RALGAPA2: variants seen among roughly 807,000 people sequenced by gnomAD.
RALGAPA2 encodes the protein ral GTPase-activating protein subunit alpha-2.
Under a neutral mutation model 230.4 loss-of-function variants are expected in RALGAPA2, and 139 were observed. The observed-to-expected ratio is 0.60, with a 90% CI of 0.53 to 0.69. The LOEUF (loss-of-function observed/expected upper bound fraction) is 0.69. Among genes scored for constraint, RALGAPA2 ranks in the 30% least tolerant of loss-of-function variants. RALGAPA2 has a pLI of 0.00. For missense variants in RALGAPA2, 2,163 were observed against 2,276.0 expected (o/e 0.95, Z 1.01); for synonymous variants, 847 against 837.8 (o/e 1.01, Z -0.19).
intron 25 of RALGAPA2, among the ~76,000 whole-genome samples, 171 bp from the exon 26 acceptor site, chr20:20,535,974 G>A (rs556893504): frequency 5.9e-5 from 9 of 152,284 alleles, no homozygotes; most frequent in Non-Finnish European, 8.8e-5. Context: ...TCGGGGGAGC[G>A]GGTGGTAGAA....
intron 12 of RALGAPA2, 73 bp from the exon 13 acceptor site, chr20:20,616,264 TTAA>T: frequency 9.2e-7 from 1 of 1,092,864 alleles, no homozygotes; most frequent in Middle Eastern, 3.0e-4. Flanking sequence ...CTTACAGATA[TTAA>T]TTTCACTCTA....
chr20:20,422,861 C>T (rs560300128), intron 37 of RALGAPA2, among the ~76,000 whole-genome samples: 5 of 152,280 alleles, frequency 3.3e-5, no homozygotes, highest in East Asian at 1.9e-4. Flanking sequence ...AAGTGGACAA[C>T]GAGCTCTAGG....
At chr20:20,406,695 T>C (rs563375838) in intron 38 of RALGAPA2, among the ~76,000 whole-genome samples, 2 of 152,348 alleles carry the variant, frequency 1.3e-5, no homozygotes, top group South Asian at 4.1e-4. Flanking sequence ...GCAGATCGCT[T>C]GAACCCAGGA....
intron 23 of RALGAPA2, among the ~76,000 whole-genome samples, chr20:20,565,710 C>T (rs1304028647): frequency 1.3e-5 from 2 of 152,164 alleles, no homozygotes; most frequent in Admixed American, 6.5e-5. Flanking sequence ...AATGTTCCTA[C>T]AAGCTAAATA....
At chr20:20,581,541 T>C (rs1272425300) in intron 20 of RALGAPA2, among the ~76,000 whole-genome samples, 1 of 152,146 alleles carries the variant, frequency 6.6e-6, no homozygotes, top group Non-Finnish European at 1.5e-5. Flanking sequence ...TTGATAACAA[T>C]TTCTCTGGGT....
At chr20:20,554,195 T>C (rs990406668) in intron 23 of RALGAPA2, among the ~76,000 whole-genome samples, 1 of 152,224 alleles carries the variant, frequency 6.6e-6, no homozygotes, top group African/African-American at 2.4e-5. Context: ...ACTAGTCTAC[T>C]TTCTGTCTCC....
In RALGAPA2 at chr20:20,632,922, C is replaced by T. The variant is rs2066726046; in HGVS notation, c.1005+2496G>A. 2.0e-5 allele frequency among the ~76,000 whole-genome samples: 3 copies of T among 151,842 alleles called. No individual in the cohort carries two copies. The South Asian group carries it at 6.3e-4, about 32-fold the overall frequency. Reference sequence around the variant, plus strand: ...TTCATAGTCTATTGATTGGATTTGGCCTTCTGTAGTCTTTAGACATAAAAA... The same window carrying T: ...TTCATAGTCTATTGATTGGATTTGGTCTTCTGTAGTCTTTAGACATAAAAA... On this transcript the variant is annotated intron_variant, in intron 9 of 39. Transcript: ENST00000202677.
In RALGAPA2 at chr20:20,512,601, C is replaced by A. The variant is rs747247446; in HGVS notation, c.4768G>T (p.Gly1590Trp). ...CGGGGCTCCACTGGGGAGGGCTGCC[C>A]TTGGCTGGTGACTTTCATTGCAGAA... is the stretch of plus-strand genomic sequence containing the variant. Reference protein sequence around the residue: ...FDSAMKVTSQGQPSPVEPRGP... With the variant: ...FDSAMKVTSQWQPSPVEPRGP... Residue 1590 changes from glycine to tryptophan, a missense_variant, in exon 32 of 40, where the codon GGG becomes TGG. Physicochemically the swap from Gly to Trp is radical, Grantham distance 184. Transcript: ENST00000202677. The A allele has an allele frequency of 1.9e-6, 3 of 1,613,956 alleles. No individual in the cohort carries two copies. The highest frequency in any genetic ancestry group is 2.5e-6 in the Non-Finnish European group (3 of 1,179,854).
rs1462303152 is a variant in RALGAPA2, at chr20:20,526,377, C to T, written c.3583-15G>A. On this transcript the variant is annotated splice_polypyrimidine_tract_variant and intron_variant, in intron 27 of 39. Transcript: ENST00000202677. ...TTGTTGGGAAACTATAAAAGGAAACCGAATCCCAAAGCAGACACATAACTT... is the reference window on the plus strand; with the variant it reads ...TTGTTGGGAAACTATAAAAGGAAACTGAATCCCAAAGCAGACACATAACTT... 20 of 1,520,526 alleles carry T rather than the reference C, an allele frequency of 1.3e-5. No homozygotes were observed. The highest frequency in any genetic ancestry group is 2.0e-5 in the Admixed American group (1 of 49,974). The allele number at this position is 1,520,526 out of a possible 1,614,324, so 94.2% of individuals were successfully genotyped here.
intron 20 of RALGAPA2, among the ~76,000 whole-genome samples, chr20:20,574,092 A>G (rs957556793): frequency 1.3e-5 from 2 of 152,224 alleles, no homozygotes; most frequent in African/African-American, 4.8e-5. Flanking sequence ...CACTTGTTCT[A>G]CATCCTTGCT....
At chr20:20,700,798 T>G (rs1307987788) in intron 1 of RALGAPA2, among the ~76,000 whole-genome samples, 4 of 152,206 alleles carry the variant, frequency 2.6e-5, no homozygotes, top group Admixed American at 6.5e-5. Flanking sequence ...CAAAGGAGAT[T>G]AGAGAATTCA....
chr20:20,546,782 C>T lies in RALGAPA2; in HGVS notation c.3207G>A (p.Leu1069=). 1 of 1,611,086 alleles carries T rather than the reference C, an allele frequency of 6.2e-7. No individual in the cohort carries two copies. Among genetic ancestry groups the T allele is most frequent in the Non-Finnish European group, 8.5e-7 (1 of 1,178,960 alleles). ...CCAGCATTGAGAAGCCAGGAAAACC[C>T]AGGGAGAAAAAGCGGGGTGGACAGT... ...IRHCPPRFFS[L]GFPGFSMLVG... Residue 1069 remains leucine, a synonymous_variant, in exon 24 of 40, where the codon CTG becomes CTA. Transcript: ENST00000202677.
chr20:20,562,605 C>A (rs1397633392), intron 23 of RALGAPA2, among the ~76,000 whole-genome samples: 2 of 152,142 alleles, frequency 1.3e-5, no homozygotes, highest in Non-Finnish European at 2.9e-5. Flanking sequence ...ACAAAGGAAA[C>A]CAAACAAAAC....
chr20:20,412,006 A>G (rs1300835659), intron 38 of RALGAPA2, 21 bp downstream of exon 38: 5 of 1,613,718 alleles, frequency 3.1e-6, no homozygotes, highest in Admixed American at 3.3e-5. Context: ...CGCGTGAGAG[A>G]AGAATAATGT....
intron 1 of RALGAPA2, among the ~76,000 whole-genome samples, chr20:20,705,031 A>G (rs969892361): frequency 1.3e-5 from 2 of 152,106 alleles, no homozygotes; most frequent in Admixed American, 1.3e-4. Flanking sequence ...GCCCACCTCT[A>G]TGGTTCCACC....
chr20:20,599,479 G>C (rs77157181), intron 16 of RALGAPA2, among the ~76,000 whole-genome samples: 11,595 of 152,180 alleles, frequency 0.076, 571 homozygotes, highest in Admixed American at 0.12. Context: ...AATGAACATA[G>C]GAGGAAAACG....
chr20:20,515,077 G>A (rs1340563495), intron 31 of RALGAPA2, among the ~76,000 whole-genome samples: 1 of 152,148 alleles, frequency 6.6e-6, no homozygotes, highest in Non-Finnish European at 1.5e-5. Context: ...TGCCCACCCA[G>A]GGCTAAGCAG....
intron 9 of RALGAPA2, among the ~76,000 whole-genome samples, chr20:20,633,965 T>C (rs1320889900): frequency 6.6e-6 from 1 of 152,190 alleles, no homozygotes; most frequent in East Asian, 1.9e-4. Flanking sequence ...AGAAAGAGAT[T>C]GCAGGATTGC....
intron 37 of RALGAPA2, among the ~76,000 whole-genome samples, chr20:20,470,313 T>A (rs1329728590): frequency 6.6e-6 from 1 of 152,192 alleles, no homozygotes; most frequent in Non-Finnish European, 1.5e-5. Flanking sequence ...CCACTTCTAG[T>A]TAAATATTAT....
Sources: allele counts gnomAD v4.1 joint callset (sites outside exome capture counted in the v4.1 genomes callset), GRCh38; gene constraint gnomAD v4.1.1; transcripts MANE v1.5; gene names NCBI Gene and HGNC (gene_info 2026-07-23, HGNC 2026-07-21).